The following TTC38 variants were observed in gnomAD, a reference collection of about 807,000 sequenced individuals.
TTC38 encodes the protein tetratricopeptide repeat domain 38, also known as tetratricopeptide repeat protein 38.
A neutral mutation model predicts 64.2 loss-of-function variants in TTC38; 64 were observed. The ratio of observed to expected loss-of-function variants is 1.00; its 90% CI spans 0.81 to 1.23. TTC38 has a LOEUF of 1.23. TTC38 is among the 50% of genes most tolerant of loss of function. The pLI is 0.00. For synonymous variants in TTC38, 254 were observed against 249.3 expected (o/e 1.02, Z -0.18); for missense variants, 573 against 615.5 (o/e 0.93, Z 0.73).
Position 46,272,488 on chromosome 22 carries a change from G to C in TTC38, c.193+72G>C. 7.5e-7 allele frequency: 1 copy of C among 1,334,494 alleles called. No individual in the cohort carries two copies. Among genetic ancestry groups the C allele is most frequent in the South Asian group, 1.2e-5 (1 of 83,634 alleles). 82.7% of individuals were successfully genotyped at this position (1,334,494 alleles called of 1,614,324 possible). A position where few individuals can be genotyped will look rare whatever the true frequency, so the allele number is the denominator to read the frequency against. ...AGCCCCTCTCTTTCCTTTACCACAGGGACACAGTTGGGATGGGGAAGGCAG... is the reference window on the plus strand; with the variant it reads ...AGCCCCTCTCTTTCCTTTACCACAGCGACACAGTTGGGATGGGGAAGGCAG... On this transcript the variant is annotated intron_variant, in intron 3 of 13. Transcript: ENST00000381031. This position sits in a 1 kb window ranked among gnomAD's most constrained non-coding sequence, Gnocchi z 6.4.
At chr22:46,268,697 G>T (rs1936820782) in intron 2 of TTC38, 106 bp downstream of exon 2, 3 of 1,040,148 alleles carry the variant, frequency 2.9e-6, no homozygotes, top group Non-Finnish European at 4.2e-6. Flanking sequence ...GTTTTGTTTT[G>T]TTTTTGAGGC....
intron 10 of TTC38, among the ~76,000 whole-genome samples, chr22:46,287,777 G>A (rs1443806304): frequency 6.6e-6 from 1 of 152,248 alleles, no homozygotes; most frequent in Non-Finnish European, 1.5e-5. Flanking sequence ...GGCATGGCAG[G>A]CTGTTTCTAG....
intron 13 of TTC38, 37 bp downstream of exon 13, chr22:46,289,936 C>T: frequency 6.3e-7 from 1 of 1,583,452 alleles, no homozygotes; most frequent in South Asian, 1.1e-5. Flanking sequence ...TCCCGACCTT[C>T]ACAGGCTCTC....
Position 46,292,792 on chromosome 22 carries a change from A to C in TTC38, c.1318A>C (p.Ser440Arg). The C allele has an allele frequency of 1.9e-6, 3 of 1,613,606 alleles. No individual in the cohort carries two copies. The highest frequency in any genetic ancestry group is 2.5e-6 in the Non-Finnish European group (3 of 1,179,564). ...TSSVHKNVAR[S>R]LLMERDALKP... is the part of the protein sequence containing the mutation. ...GGACCTCTGTGTCTGTTTCCACAGG[A>C]GCCTTCTGATGGAGCGTGATGCCTT... The change falls in exon 14 of 14, where the codon AGC becomes CGC. Residue 440 changes from serine (S) to arginine (R), a missense_variant and splice_region_variant. Physicochemically the swap from Ser to Arg is moderately radical, Grantham distance 110 (BLOSUM62 -1). This residue lies in a region of TTC38 where 371 missense variants were observed against 381.8 expected (regional missense o/e 0.97). Transcript: ENST00000381031. The surrounding 1 kb of genome is among the most constrained non-coding windows in gnomAD (Gnocchi z 6.5).
rs952520141 is a variant in TTC38, at chr22:46,275,192, C to G, written c.366-56C>G. ...GTGAGAAACAATGCCTCTTACACTC[C>G]CTGTGTGGGTGGACTATGTGTTCAG... On this transcript the variant is annotated intron_variant, in intron 4 of 13. Transcript: ENST00000381031. This position sits in a 1 kb window ranked among gnomAD's most constrained non-coding sequence, Gnocchi z 4.5. The G allele has an allele frequency of 2.0e-6, 3 of 1,525,474 alleles. No individual in the cohort carries two copies. The Admixed American group carries it at 5.3e-5, about 27-fold the overall frequency. 94.5% of individuals were successfully genotyped at this position (1,525,474 alleles called of 1,614,324 possible). A position where few individuals can be genotyped will look rare whatever the true frequency, so the allele number is the denominator to read the frequency against.
In TTC38 at chr22:46,271,026, T is replaced by A. The variant is rs749327343; in HGVS notation, c.112-1309T>A. ...GATTCTGTCTCAATTAAAAAAAAAA[T>A]GATAAAATGAGCTTTGGGTAAGTTT... On this transcript the variant is annotated intron_variant, in intron 2 of 13. Transcript: ENST00000381031. The surrounding 1 kb of genome is among the most constrained non-coding windows in gnomAD (Gnocchi z 5.5). Among the ~76,000 whole-genome samples, 4 of 150,470 alleles carry A rather than the reference T, an allele frequency of 2.7e-5. No homozygotes were observed. The highest frequency in any genetic ancestry group is 4.4e-5 in the Non-Finnish European group (3 of 67,870).
chr22:46,288,683 C>T (rs2077589611), intron 11 of TTC38, 95 bp downstream of exon 11: 4 of 1,304,864 alleles, frequency 3.1e-6, no homozygotes, highest in Non-Finnish European at 4.3e-6. Context: ...AGTGCCTGCC[C>T]CGCCTGTGAG....
At position 46,276,824 on chromosome 22, in the gene TTC38, A is replaced by AATATATATATATATATTTAATATATATAT. The variant is rs2077492796; in HGVS notation, c.539+1419_539+1420insTTAATATATATATATATATATATATATAT. Among the ~76,000 whole-genome samples the AATATATATATATATATTTAATATATATAT allele has an allele frequency of 7.2e-6, 1 of 139,556 alleles. No homozygotes were observed. The highest frequency in any genetic ancestry group is 2.8e-5 in the African/African-American group (1 of 36,132). The allele number at this position is 139,556 out of a possible 152,430, so 91.6% of individuals were successfully genotyped here. On this transcript the variant is annotated intron_variant, in intron 5 of 13. Transcript: ENST00000381031. The surrounding 1 kb of genome is among the most constrained non-coding windows in gnomAD (Gnocchi z 4.7). ...ATTATATATTAAAATATATATATTAAATATATATATATATATAAACATATA... is the reference window on the plus strand; with the variant it reads ...ATTATATATTAAAATATATATATTAAATATATATATATATATTTAATATATATATATATATATATATATATAAACATATA...
intron 9 of TTC38, among the ~76,000 whole-genome samples, chr22:46,286,756 C>G (rs761048544): frequency 1.3e-5 from 2 of 152,086 alleles, no homozygotes; most frequent in Non-Finnish European, 2.9e-5. Context: ...GAAACGTGAT[C>G]GGGCAGACAG....
At position 46,272,560 on chromosome 22, in the gene TTC38, A is replaced by G; in HGVS notation, c.193+144A>G. On this transcript the variant is annotated intron_variant, in intron 3 of 13. Transcript: ENST00000381031. This position sits in a 1 kb window ranked among gnomAD's most constrained non-coding sequence, Gnocchi z 6.4. The stretch of plus-strand genomic sequence containing the variant: ...TGGCATTTGCACAGAGGGAGAGAAG[A>G]TGACAGCTGCCTTTGTGTCTGGAAA... 1.6e-6 allele frequency: 1 copy of G among 634,424 alleles called. No individual in the cohort carries two copies. Among genetic ancestry groups the G allele is most frequent in the Non-Finnish European group, 2.8e-6 (1 of 355,892 alleles). The allele number at this position is 634,424 out of a possible 1,614,324, so 39.3% of individuals were successfully genotyped here.
At chr22:46,277,158 G>A (rs1169757187) in intron 5 of TTC38, among the ~76,000 whole-genome samples, 2 of 151,854 alleles carry the variant, frequency 1.3e-5, no homozygotes, top group African/African-American at 4.8e-5. Context: ...GCTAGAATCA[G>A]TCTTCTTGCA....
chr22:46,268,696 T>C (rs757095382), intron 2 of TTC38, 105 bp downstream of exon 2: 18 of 1,203,266 alleles, frequency 1.5e-5, no homozygotes, highest in Non-Finnish European at 2.1e-5. Context: ...TGTTTTGTTT[T>C]GTTTTTGAGG....
chr22:46,285,373 G>A, intron 9 of TTC38, 94 bp downstream of exon 9: 1 of 1,245,222 alleles, frequency 8.0e-7, no homozygotes, highest in Non-Finnish European at 1.2e-6. Context: ...GATTGTCCCA[G>A]CCAGAAAAAC....
Position 46,273,834 on chromosome 22 carries a change from T to C in TTC38, c.194-64T>C. On this transcript the variant is annotated intron_variant, in intron 3 of 13. Transcript: ENST00000381031. The surrounding 1 kb of genome is among the most constrained non-coding windows in gnomAD (Gnocchi z 5.1). ...TGGGGTGTCTCTGTGACATGTGGAG[T>C]CTGGGCTGGGATGGGCTGAGCTGGA... 6.4e-7 allele frequency: 1 copy of C among 1,560,862 alleles called. No homozygotes were observed. Among genetic ancestry groups the C allele is most frequent in the East Asian group, 2.3e-5 (1 of 44,378 alleles).
chr22:46,277,784 G>T (rs1380721182), intron 5 of TTC38, among the ~76,000 whole-genome samples: 1 of 152,176 alleles, frequency 6.6e-6, no homozygotes, highest in African/African-American at 2.4e-5. Context: ...TTCCAGGCCG[G>T]GCAGGGGACT....
chr22:46,269,535 G>A (rs906761266), intron 2 of TTC38, among the ~76,000 whole-genome samples: 1 of 152,204 alleles, frequency 6.6e-6, no homozygotes, highest in Admixed American at 6.5e-5. Flanking sequence ...AGAAACCTAA[G>A]CTGACCTTGG....
chr22:46,283,952 T>TTG (rs754102333), intron 7 of TTC38, 21 bp from the exon 8 acceptor site: 68 of 1,531,920 alleles, frequency 4.4e-5, no homozygotes, highest in African/African-American at 2.6e-4. Context: ...TCATAAATTC[T>TTG]CTTTTTTTTT....
chr22:46,277,727 T>C (rs992116127), intron 5 of TTC38, among the ~76,000 whole-genome samples: 1 of 151,710 alleles, frequency 6.6e-6, no homozygotes, highest in African/African-American at 2.4e-5. Flanking sequence ...GGTCCCAGCC[T>C]GTGGGAGCTC....
chr22:46,286,077 C>CT (rs2147798988), intron 9 of TTC38, among the ~76,000 whole-genome samples: 1 of 151,372 alleles, frequency 6.6e-6, no homozygotes, highest in South Asian at 2.1e-4. Flanking sequence ...TTGCAACCAT[C>CT]ACCACCCTCC....
Sources: allele counts gnomAD v4.1 joint callset (sites outside exome capture counted in the v4.1 genomes callset), GRCh38; gene constraint gnomAD v4.1.1; regional missense constraint gnomAD v4.1.1; non-coding constraint Gnocchi (gnomAD v3.1); transcripts MANE v1.5; gene names NCBI Gene and HGNC (gene_info 2026-07-23, HGNC 2026-07-21).